The following GFRA1 variants were observed in gnomAD, a reference collection of about 807,000 sequenced individuals.
GFRA1 encodes GDNF family receptor alpha 1.
In GFRA1, 16 loss-of-function variants were observed where a neutral mutation model predicts 51.6. The ratio of observed to expected loss-of-function variants is 0.31; its 90% confidence interval spans 0.21 to 0.47. The LOEUF (loss-of-function observed/expected upper bound fraction) is 0.47. Among genes scored for constraint, GFRA1 ranks in the 20% least tolerant of loss-of-function variants. GFRA1 has a pLI of 1.00. For synonymous variants in GFRA1, 270 were observed against 241.3 expected, an observed-to-expected ratio of 1.12 and a Z score of -1.10; for missense variants, 530 against 594.3, an observed-to-expected ratio of 0.89 and a Z score of 1.13.
chr10:116,093,948 T>C, intron 7 of GFRA1, 112 bp from the exon 8 acceptor site: 3 of 991,156 alleles, frequency 3.0e-6, no homozygotes, highest in South Asian at 2.7e-5. Flanking sequence ...ATTACAGACA[T>C]TGTATTTGCT....
chr10:116,202,776 C>G (rs935664953), intron 5 of GFRA1, among the ~76,000 whole-genome samples: 3 of 152,138 alleles, frequency 2.0e-5, no homozygotes, highest in Admixed American at 2.0e-4. Flanking sequence ...CTAATCACCT[C>G]CCACCAGGCC....
chr10:116,206,786 CGA>C (rs879409920), intron 5 of GFRA1, among the ~76,000 whole-genome samples: 36,371 of 150,898 alleles, frequency 0.24, 4,623 homozygotes, highest in African/African-American at 0.3. Flanking sequence ...GCGCCTGCCA[CGA>C]CGCCTGGCTA....
intron 5 of GFRA1, among the ~76,000 whole-genome samples, chr10:116,155,332 T>TC (rs937643585): frequency 6.6e-5 from 10 of 152,086 alleles, no homozygotes; most frequent in African/African-American, 2.4e-4. Flanking sequence ...CCACATACCC[T>TC]CCTTCTAAAT....
intron 5 of GFRA1, among the ~76,000 whole-genome samples, chr10:116,203,778 A>G (rs1964519740): frequency 6.6e-6 from 1 of 152,226 alleles, no homozygotes; most frequent in African/African-American, 2.4e-5. Flanking sequence ...TAAGCATTCA[A>G]TCAATTAGGG....
At chr10:116,111,786 C>G (rs185745482) in intron 6 of GFRA1, among the ~76,000 whole-genome samples, 3 of 152,326 alleles carry the variant, frequency 2.0e-5, no homozygotes, top group South Asian at 2.1e-4. Context: ...CACCCTAGAC[C>G]TCATGAATAG....
intron 9 of GFRA1, among the ~76,000 whole-genome samples, chr10:116,075,934 C>T (rs191774038): frequency 6.6e-6 from 1 of 151,742 alleles, no homozygotes; most frequent in Non-Finnish European, 1.5e-5. Context: ...TTAGTAGAGA[C>T]GGGGTTTCAC....
intron 5 of GFRA1, among the ~76,000 whole-genome samples, chr10:116,190,269 C>T (rs1452511209): frequency 2.0e-5 from 3 of 152,222 alleles, no homozygotes; most frequent in Non-Finnish European, 4.4e-5. Flanking sequence ...AGCAGGTGTA[C>T]TCAACACTTA....
chr10:116,095,259 C>G (rs1325648159), intron 7 of GFRA1, among the ~76,000 whole-genome samples: 11 of 152,206 alleles, frequency 7.2e-5, no homozygotes, highest in Admixed American at 7.2e-4. Flanking sequence ...GAACCAAATA[C>G]TTGCTGTGGA....
chr10:116,093,754 G>T lies in GFRA1; in HGVS notation c.963C>A (p.Asp321Glu). ...PWCDCSNSGNDLEECLKFLNF... is the reference protein window; with the variant it reads ...PWCDCSNSGNELEECLKFLNF... ...TCAAAAATTTCAAGCACTCTTCTAG[G>T]TCGTTCCCACTGTTGCTGCAGTCAC... is the stretch of plus-strand genomic sequence containing the variant. The change falls in exon 8 of 11, where the codon GAC (aspartate) becomes GAA (glutamate). Residue 321 changes from aspartate (D) to glutamate (E), a missense_variant. By Grantham distance (45) the Asp-to-Glu change is conservative. Coordinates refer to ENST00000355422, the MANE Select transcript of GFRA1 (RefSeq NM_005264.8). 6.2e-7 allele frequency: 1 copy of T among 1,613,698 alleles called. No individual in the cohort carries two copies. The highest frequency in any genetic ancestry group is 8.5e-7 in the Non-Finnish European group (1 of 1,179,596).
chr10:116,115,285 G>C (rs1258912044), intron 6 of GFRA1, among the ~76,000 whole-genome samples: 3 of 152,062 alleles, frequency 2.0e-5, no homozygotes, highest in African/African-American at 7.2e-5. Flanking sequence ...TCCCTGGGTG[G>C]AGCAGGACTC....
chr10:116,176,739 T>G (rs1226645595), intron 5 of GFRA1, among the ~76,000 whole-genome samples: 4 of 140,020 alleles, frequency 2.9e-5, no homozygotes, highest in Admixed American at 2.1e-4. Flanking sequence ...CTTCCTTCCT[T>G]CCTTCCTTCC....
intron 5 of GFRA1, among the ~76,000 whole-genome samples, chr10:116,210,216 T>C (rs138109914): frequency 7.8e-4 from 118 of 152,252 alleles, no homozygotes; most frequent in African/African-American, 2.8e-3. Context: ...CCATTGTGTG[T>C]AGAAAAGCCA....
In GFRA1 at chr10:116,188,289, T is replaced by A. The variant is rs116235564; in HGVS notation, c.433+23342A>T. 6.2e-3 allele frequency among the ~76,000 whole-genome samples: 937 copies of A among 152,326 alleles called. 10 individuals carry two copies. Among genetic ancestry groups the A allele is most frequent in the African/African-American group, 0.015 (642 of 41,582 alleles). On this transcript the variant is annotated intron_variant, in intron 5 of 10. Coordinates refer to ENST00000355422, the MANE Select transcript of GFRA1 (RefSeq NM_005264.8). ...GGAATGAGGACCTGCGTCCCTGCTC[T>A]CTGGCATGCAGTCTCTTTATCTGTG...
At chr10:116,188,955 T>A (rs985009906) in intron 5 of GFRA1, among the ~76,000 whole-genome samples, 18 of 149,818 alleles carry the variant, frequency 1.2e-4, no homozygotes, top group African/African-American at 3.7e-4. Context: ...TATCACAATT[T>A]AAAAAAAATA....
At chr10:116,125,665 T>C (rs1957842016) in intron 5 of GFRA1, 108 bp from the exon 6 acceptor site, 5 of 851,818 alleles carry the variant, frequency 5.9e-6, no homozygotes, top group Non-Finnish European at 7.6e-6. Flanking sequence ...CCAGCGGCTC[T>C]AGAACTTAAT....
intron 5 of GFRA1, among the ~76,000 whole-genome samples, chr10:116,126,553 G>A (rs1435632247): frequency 6.6e-6 from 1 of 152,262 alleles, no homozygotes; most frequent in African/African-American, 2.4e-5. Context: ...GCAGGGAGAG[G>A]GAAGTGATGG....
intron 5 of GFRA1, among the ~76,000 whole-genome samples, chr10:116,128,853 A>G (rs1370074501): frequency 7.6e-6 from 1 of 131,092 alleles, no homozygotes; most frequent in African/African-American, 2.7e-5. Context: ...TAGAAAAGCA[A>G]TATTTTTTTT....
chr10:116,233,760 G>A (rs184140426), intron 4 of GFRA1, among the ~76,000 whole-genome samples: 6 of 152,272 alleles, frequency 3.9e-5, no homozygotes, highest in South Asian at 2.1e-4. Flanking sequence ...CAAACTGGGC[G>A]ATGTAAATAC....
intron 5 of GFRA1, among the ~76,000 whole-genome samples, chr10:116,190,353 T>C (rs1963138142): frequency 6.6e-6 from 1 of 152,074 alleles, no homozygotes; most frequent in Admixed American, 6.5e-5. Context: ...GACATGAGAG[T>C]GGATCAACGC....
Sources: allele counts gnomAD v4.1 joint callset (sites outside exome capture counted in the v4.1 genomes callset), GRCh38; gene constraint gnomAD v4.1.1; transcripts MANE v1.5; gene names NCBI Gene and HGNC (gene_info 2026-07-23, HGNC 2026-07-21).